FMN2: variants seen among roughly 807,000 people sequenced by gnomAD.
The protein encoded by FMN2 is formin 2.
Under a neutral mutation model 142.3 loss-of-function variants are expected in FMN2, and 51 were observed. The observed-to-expected ratio is 0.36, with a 90% CI of 0.29 to 0.45. The LOEUF (loss-of-function observed/expected upper bound fraction) is 0.45, where lower values mean the gene tolerates loss of function less well. FMN2 is among the 20% of genes least tolerant of loss of function. The pLI, the probability that FMN2 is intolerant of heterozygous loss-of-function variation, is 1.00. For missense variants in FMN2, 1,936 were observed against 2,122.8 expected (o/e 0.91, Z 1.73); for synonymous variants, 882 against 869.8 (o/e 1.01, Z -0.25).
intron 7 of FMN2, among the ~76,000 whole-genome samples, chr1:240,267,929 A>G (rs934810373): frequency 1.3e-5 from 2 of 152,158 alleles, no homozygotes; most frequent in African/African-American, 4.8e-5. Context: ...ACCACTAATC[A>G]TCAGAGAAAT....
At chr1:240,145,530 A>ATTTTTTTTTTTTTTTTT (rs71168902) in intron 2 of FMN2, 3 of 84,346 alleles carry the variant, frequency 3.6e-5, no homozygotes, top group Non-Finnish European at 6.5e-5. Flanking sequence ...TTCTTTTTCT[A>ATTTTTTTTTTTTTTTTT]TTTTTTTTTT....
intron 6 of FMN2, among the ~76,000 whole-genome samples, chr1:240,253,761 T>C (rs1668357635): frequency 1.3e-5 from 2 of 152,224 alleles, no homozygotes; most frequent in African/African-American, 2.4e-5. Flanking sequence ...GGGAGGACTT[T>C]TTCCTGAAGA....
At chr1:240,144,900 T>C (rs12127949) in intron 2 of FMN2, 939,486 of 1,403,490 alleles carry the variant, frequency 0.67, 318,217 homozygotes, top group African/African-American at 0.89. Context: ...AGGTGCCTGA[T>C]ATACTCATGA....
rs145991948 is a variant in FMN2, at chr1:240,265,556, G to A, written c.4153+7524G>A. Among the ~76,000 whole-genome samples, 951 of 152,194 alleles carry A rather than the reference G, an allele frequency of 6.2e-3. 4 individuals carry two copies. The highest frequency in any genetic ancestry group is 0.022 in the African/African-American group (895 of 41,542). On this transcript the variant is annotated intron_variant, in intron 7 of 17. Transcript: ENST00000319653. ...TTCTCACCAGTGACTGAGTCAGCTG[G>A]CACCTTGATCTTAGACTTCCCAGCT...
chr1:240,428,961 A>C (rs999538845), intron 15 of FMN2, among the ~76,000 whole-genome samples: 8 of 152,142 alleles, frequency 5.3e-5, no homozygotes, highest in Admixed American at 2.6e-4. Flanking sequence ...TGTCTTCCAT[A>C]CTTACAACTT....
intron 2 of FMN2, among the ~76,000 whole-genome samples, chr1:240,154,476 C>T (rs1663929004): frequency 6.6e-6 from 1 of 152,128 alleles, no homozygotes; most frequent in African/African-American, 2.4e-5. Flanking sequence ...GATCCTGACA[C>T]ATTGAAGAAA....
chr1:240,319,901 T>C (rs1178349122), intron 8 of FMN2, among the ~76,000 whole-genome samples: 1 of 152,170 alleles, frequency 6.6e-6, no homozygotes, highest in African/African-American at 2.4e-5. Context: ...TGAAACATCT[T>C]CCTGCCTATA....
At chr1:240,437,549 A>C (rs369219151) in intron 15 of FMN2, among the ~76,000 whole-genome samples, 1 of 151,832 alleles carries the variant, frequency 6.6e-6, no homozygotes, top group Non-Finnish European at 1.5e-5. Context: ...TGATCCACCC[A>C]CCTTGGCCTC....
intron 2 of FMN2, among the ~76,000 whole-genome samples, chr1:240,129,162 C>T (rs1434452757): frequency 2.6e-5 from 4 of 152,086 alleles, no homozygotes; most frequent in Non-Finnish European, 4.4e-5. Context: ...GTGTGAGCCA[C>T]CTAGCCCAGC....
chr1:240,417,165 C>G (rs1296493026), intron 15 of FMN2, among the ~76,000 whole-genome samples: 1 of 148,084 alleles, frequency 6.8e-6, no homozygotes, highest in Admixed American at 6.9e-5. Context: ...TGGAACCTGT[C>G]TTAGTAAATA....
intron 2 of FMN2, among the ~76,000 whole-genome samples, chr1:240,175,904 G>A (rs10926157): frequency 0.31 from 46,565 of 151,914 alleles, 7,552 homozygotes; most frequent in African/African-American, 0.41. Flanking sequence ...CAGGTTATTT[G>A]CTTTTTGTTG....
intron 2 of FMN2, chr1:240,144,565 C>T: frequency 7.2e-7 from 1 of 1,388,676 alleles, no homozygotes; most frequent in Non-Finnish European, 1.0e-6. Context: ...TGTCATTGCG[C>T]ATCAGTGCCA....
At chr1:240,358,721 A>G (rs1015711121) in intron 14 of FMN2, among the ~76,000 whole-genome samples, 20 of 152,238 alleles carry the variant, frequency 1.3e-4, no homozygotes, top group African/African-American at 3.6e-4. Flanking sequence ...GCATGGAGAA[A>G]TGGCCCCCAT....
At chr1:240,440,070 G>A (rs993692365) in intron 16 of FMN2, among the ~76,000 whole-genome samples, 31 of 152,148 alleles carry the variant, frequency 2.0e-4, no homozygotes, top group African/African-American at 7.2e-4. Context: ...AGCAAGATGG[G>A]ACTGATGACG....
At chr1:240,121,163 AT>A (rs1662228461) in intron 1 of FMN2, among the ~76,000 whole-genome samples, 1 of 151,586 alleles carries the variant, frequency 6.6e-6, no homozygotes, top group South Asian at 2.1e-4. Context: ...AAAAAAAAAA[AT>A]GTGTCAGAAA....
chr1:240,221,849 C>CTTTTTT, intron 6 of FMN2, among the ~76,000 whole-genome samples: 1 of 115,228 alleles, frequency 8.7e-6, no homozygotes, highest in African/African-American at 3.3e-5. Flanking sequence ...CTTCTAGGGA[C>CTTTTTT]TTTTTTTTTT....
rs746124463 is a variant in FMN2, at chr1:240,093,303, C to T, written c.1194C>T (p.Pro398=). ...GPDAPAAASL[P]GSPAPSQRCF... is the part of the protein sequence containing the mutation. ...ACGCCCCCGCGGCCGCTTCCCTGCC[C>T]GGCAGCCCCGCGCCTAGCCAGCGCT... The change falls in exon 1 of 18, where the codon CCC becomes CCT. Residue 398 remains proline (P), a synonymous_variant. Transcript: ENST00000319653. 1.1e-5 allele frequency: 17 copies of T among 1,609,560 alleles called. No homozygotes were observed. Among genetic ancestry groups the T allele is most frequent in the Non-Finnish European group, 1.4e-5 (17 of 1,178,222 alleles).
intron 1 of FMN2, among the ~76,000 whole-genome samples, chr1:240,095,199 T>C (rs1337212643): frequency 6.6e-6 from 1 of 152,208 alleles, no homozygotes. Flanking sequence ...AAATCACATA[T>C]TTTCTCTTTA....
At chr1:240,340,547 C>G (rs963547566) in intron 13 of FMN2, among the ~76,000 whole-genome samples, 2 of 152,162 alleles carry the variant, frequency 1.3e-5, no homozygotes, top group South Asian at 2.1e-4. Context: ...TACCACTGCA[C>G]TCCAGCCTGG....
Sources: allele counts gnomAD v4.1 joint callset (sites outside exome capture counted in the v4.1 genomes callset), GRCh38; gene constraint gnomAD v4.1.1; transcripts MANE v1.5; gene names NCBI Gene and HGNC (gene_info 2026-07-23, HGNC 2026-07-21).